Variants in HORMAD2 observed in about 807,000 individuals in gnomAD.
The protein encoded by HORMAD2 is HORMA domain containing 2.
A neutral mutation model predicts 38.8 loss-of-function variants in HORMAD2; 45 were observed. The observed-to-expected ratio is 1.16, with a 90% CI of 0.91 to 1.49. HORMAD2 has a LOEUF of 1.49. Among genes scored for constraint, HORMAD2 ranks in the 40% most tolerant of loss-of-function variants. The pLI is 0.00. For missense variants in HORMAD2, 338 were observed against 367.0 expected, an observed-to-expected ratio of 0.92 and a Z score of 0.65; for synonymous variants, 126 against 122.8, an observed-to-expected ratio of 1.03 and a Z score of -0.17.
chr22:30,142,736 A>G (rs1218365775), intron 10 of HORMAD2, among the ~76,000 whole-genome samples: 1 of 151,952 alleles, frequency 6.6e-6, no homozygotes, highest in Non-Finnish European at 1.5e-5. Flanking sequence ...TATGTGTTTT[A>G]TATGTGTTTA....
chr22:30,098,984 C>A lies in HORMAD2; in HGVS notation c.184C>A (p.His62Asn). ...TCCAGAGAGCTCTTATGGAGAACGC[C>A]ATTTGGATGGTAAAGTTAAACTAAC... ...LFPESSYGER[H>N]LDDLSLKILR... The change falls in exon 3 of 11, where the codon CAT becomes AAT. Residue 62 changes from histidine to asparagine, a missense_variant. Physicochemically the swap from His to Asn is moderately conservative, Grantham distance 68 (BLOSUM62 1). Transcript: ENST00000336726. The A allele has an allele frequency of 1.2e-6, 2 of 1,607,186 alleles. No individual in the cohort carries two copies. The highest frequency in any genetic ancestry group is 1.7e-6 in the Non-Finnish European group (2 of 1,176,998).
Position 30,112,539 on chromosome 22 carries a change from A to C in HORMAD2, c.342+17A>C. 2.4e-6 allele frequency: 3 copies of C among 1,229,660 alleles called. No individual in the cohort carries two copies. The highest frequency in any genetic ancestry group is 1.6e-5 in the African/African-American group (1 of 61,820). 76.2% of individuals were successfully genotyped at this position (1,229,660 alleles called of 1,614,324 possible). A position where few individuals can be genotyped will look rare whatever the true frequency, so the allele number is the denominator to read the frequency against. On this transcript the variant is annotated intron_variant, in intron 7 of 10. Transcript: ENST00000336726. ...GGATCTGAGGTAAGAACACACACAAACGTATAGGTGGGTAGTATATGTATA... is the reference window on the plus strand; with the variant it reads ...GGATCTGAGGTAAGAACACACACAACCGTATAGGTGGGTAGTATATGTATA...
At chr22:30,203,621 C>T in the HORMAD2 span, among the ~76,000 whole-genome samples, 3 of 152,298 alleles carry the variant, frequency 2.0e-5, no homozygotes, top group African/African-American at 7.2e-5. Context: ...CATGCATCCT[C>T]ACACATGTAT....
the HORMAD2 span, among the ~76,000 whole-genome samples, chr22:30,200,412 A>G: frequency 6.6e-6 from 1 of 152,174 alleles, no homozygotes; most frequent in African/African-American, 2.4e-5. Flanking sequence ...AAGATCCCAC[A>G]TAGGTTTACT....
At chr22:30,133,455 GTA>G (rs1158099038) in intron 10 of HORMAD2, among the ~76,000 whole-genome samples, 1 of 113,292 alleles carries the variant, frequency 8.8e-6, no homozygotes, top group African/African-American at 4.0e-5. Context: ...AGTGTTAATT[GTA>G]TATATATACA....
chr22:30,160,118 A>G (rs1461100185), intron 10 of HORMAD2, among the ~76,000 whole-genome samples: 2 of 151,826 alleles, frequency 1.3e-5, no homozygotes, highest in African/African-American at 2.4e-5. Flanking sequence ...TGTTGTTTAC[A>G]TATCTGTGTT....
chr22:30,174,876 TA>T (rs1926337008), intron 10 of HORMAD2, among the ~76,000 whole-genome samples: 1 of 152,168 alleles, frequency 6.6e-6, no homozygotes, highest in Non-Finnish European at 1.5e-5. Flanking sequence ...TTCAAATTTT[TA>T]CATGTAAGTA....
At chr22:30,091,040 C>T (rs943175058) in intron 1 of HORMAD2, among the ~76,000 whole-genome samples, 1 of 152,116 alleles carries the variant, frequency 6.6e-6, no homozygotes, top group Non-Finnish European at 1.5e-5. Context: ...TCTGAGAGCT[C>T]ATCTGTTTTA....
chr22:30,158,581 TTC>T (rs1484251602), intron 10 of HORMAD2, among the ~76,000 whole-genome samples: 9 of 34,282 alleles, frequency 2.6e-4, no homozygotes, highest in African/African-American at 1.5e-3. Flanking sequence ...CCCCTTCCCC[TTC>T]TCCTTCCTTC....
chr22:30,174,929 T>A (rs970394766), intron 10 of HORMAD2, among the ~76,000 whole-genome samples: 3 of 152,034 alleles, frequency 2.0e-5, no homozygotes, highest in East Asian at 3.8e-4. Context: ...TTTCTCAGAG[T>A]TTTGTATAGC....
the HORMAD2 span, chr22:30,207,175 G>A: frequency 4.4e-6 from 2 of 452,984 alleles, no homozygotes; most frequent in South Asian, 3.2e-5. Flanking sequence ...TGAATCCGCA[G>A]AGAGGTTTGG....
At chr22:30,118,844 G>A (rs948643376) in intron 7 of HORMAD2, 136 bp from the exon 8 acceptor site, 4 of 626,398 alleles carry the variant, frequency 6.4e-6, no homozygotes, top group Admixed American at 6.2e-5. Context: ...CTTGAATAAT[G>A]TGATACTGTG....
intron 10 of HORMAD2, among the ~76,000 whole-genome samples, chr22:30,135,073 G>T (rs575988505): frequency 6.6e-6 from 1 of 152,040 alleles, no homozygotes; most frequent in South Asian, 2.1e-4. Flanking sequence ...TTCAATCTAG[G>T]TCTGTCTGGC....
chr22:30,138,179 T>C (rs772536534), intron 10 of HORMAD2, among the ~76,000 whole-genome samples: 4 of 152,206 alleles, frequency 2.6e-5, no homozygotes, highest in Admixed American at 2.6e-4. Context: ...CAAGCATCTT[T>C]TCATGTGCTT....
At chr22:30,198,422 T>G in the HORMAD2 span, among the ~76,000 whole-genome samples, 1 of 152,122 alleles carries the variant, frequency 6.6e-6, no homozygotes, top group Non-Finnish European at 1.5e-5. Context: ...TAGAGATTCA[T>G]CCACAACACA....
intron 7 of HORMAD2, 110 bp from the exon 8 acceptor site, chr22:30,118,870 T>C: frequency 1.4e-6 from 1 of 701,956 alleles, no homozygotes; most frequent in South Asian, 1.7e-5. Flanking sequence ...AACAGCTATA[T>C]AGGAAGTACA....
chr22:30,104,532 A>C (rs903479998), intron 5 of HORMAD2, 95 bp downstream of exon 5: 1 of 1,001,036 alleles, frequency 1.0e-6, no homozygotes, highest in Non-Finnish European at 1.5e-6. Flanking sequence ...TGTGTTTAAC[A>C]GTATAAGTGT....
At chr22:30,130,660 G>A (rs1028660240) in intron 10 of HORMAD2, among the ~76,000 whole-genome samples, 1 of 144,696 alleles carries the variant, frequency 6.9e-6, no homozygotes, top group African/African-American at 2.5e-5. Context: ...ACGCGATCTC[G>A]GCTCACTGCA....
downstream of HORMAD2, among the ~76,000 whole-genome samples, chr22:30,178,910 C>G (rs1422083265): frequency 6.6e-6 from 1 of 152,170 alleles, no homozygotes; most frequent in East Asian, 1.9e-4. Context: ...TGCCGCCAGC[C>G]TTTGAAGCCA....
Sources: gnomAD v4.1 joint callset for allele counts (sites outside exome capture counted in the v4.1 genomes callset) on GRCh38, gnomAD v4.1.1 for gene constraint, MANE v1.5 for transcripts, NCBI Gene and HGNC (gene_info 2026-07-23, HGNC 2026-07-21) for gene names.